Variants in GNRH1 observed in about 807,000 individuals in gnomAD.
GNRH1 encodes progonadoliberin-1.
GNRH1 carries 9 observed loss-of-function variants against 13.6 expected under a neutral mutation model. That is an observed-to-expected ratio of 0.66 (90% CI 0.40 to 1.15). The LOEUF is 1.15. Among genes scored for constraint, GNRH1 ranks in the 50% most tolerant of loss-of-function variants. GNRH1 has a pLI of 0.01. For synonymous variants in GNRH1, 44 were observed against 40.1 expected (o/e 1.10, Z -0.37); for missense variants, 116 against 110.8 (o/e 1.05, Z -0.21).
At position 25,421,634 on chromosome 8, in the gene GNRH1, T is replaced by TG; in HGVS notation, c.175dup (p.Gln59ProfsTer26). 6.2e-7 allele frequency: 1 copy of TG among 1,605,132 alleles called. No individual in the cohort carries two copies. The highest frequency in any genetic ancestry group is 1.1e-5 in the South Asian group (1 of 90,800). ...CTGGTGCGTGGTGCATTCGAAGCGT[T>TG]GGGTTTCTGCCAGTTGACCAACCTC... On this transcript the variant is annotated frameshift_variant, in exon 3 of 4. Transcript: ENST00000421054. LOFTEE classifies it high-confidence loss of function.
chr8:25,422,901 T>C (rs1801792749), intron 2 of GNRH1, among the ~76,000 whole-genome samples: 1 of 152,228 alleles, frequency 6.6e-6, no homozygotes, highest in Non-Finnish European at 1.5e-5. Flanking sequence ...ACCTTGACCC[T>C]ATCCCATTGT....
intron 2 of GNRH1, among the ~76,000 whole-genome samples, chr8:25,422,965 C>G (rs989144153): frequency 6.6e-6 from 1 of 152,162 alleles, no homozygotes; most frequent in African/African-American, 2.4e-5. Context: ...CTGTCTCACA[C>G]TTGTTGCTAT....
rs1005989398 is a variant in GNRH1 at position 25,423,043 on chromosome 8, G to A, written c.141+147C>T. 7 of 742,580 alleles carry A rather than the reference G, an allele frequency of 9.4e-6. No homozygotes were observed. The African/African-American group carries it at 1.2e-4, about 13-fold the overall frequency. 46.0% of individuals were successfully genotyped at this position (742,580 alleles called of 1,614,324 possible). ...CTGTGTGAACTGAAAGTAGGAATGG[G>A]ACTTCTACTTTGTAAGTGCCTTATC... On this transcript the variant is annotated intron_variant, in intron 2 of 3. Transcript: ENST00000421054.
intron 3 of GNRH1, among the ~76,000 whole-genome samples, chr8:25,420,776 C>T (rs2117366868): frequency 6.6e-6 from 1 of 152,238 alleles, no homozygotes; most frequent in East Asian, 1.9e-4. Flanking sequence ...ATAGTCCCAG[C>T]TACTAGAGAG....
intron 1 of GNRH1, chr8:25,423,569 C>A: frequency 3.7e-6 from 2 of 545,138 alleles, no homozygotes; most frequent in African/African-American, 3.8e-5. Context: ...CTTTTTAGTA[C>A]TAAAATAGTC....
chr8:25,423,466 A>G (rs1801802860), intron 1 of GNRH1, 135 bp from the exon 2 acceptor site: 1 of 758,944 alleles, frequency 1.3e-6, no homozygotes, highest in Non-Finnish European at 2.2e-6. Flanking sequence ...GTTTTTACAT[A>G]CAGACACTGA....
intron 2 of GNRH1, among the ~76,000 whole-genome samples, chr8:25,422,957 G>A (rs1479966679): frequency 6.6e-6 from 1 of 152,086 alleles, no homozygotes; most frequent in Admixed American, 6.5e-5. Flanking sequence ...ATGACGTGCT[G>A]TCTCACACTT....
Position 25,421,567 on chromosome 8 carries a change from A to C in GNRH1, c.237+6T>G, listed in dbSNP as rs1433240509. 1 of 1,473,774 alleles carries C rather than the reference A, an allele frequency of 6.8e-7. No individual in the cohort carries two copies. Among genetic ancestry groups the C allele is most frequent in the African/African-American group, 1.4e-5 (1 of 72,038 alleles). The allele number at this position is 1,473,774 out of a possible 1,614,324, so 91.3% of individuals were successfully genotyped here. A position where few individuals can be genotyped will look rare whatever the true frequency, so the allele number is the denominator to read the frequency against. On this transcript the variant is annotated splice_donor_region_variant and intron_variant, in intron 3 of 3. Coordinates refer to ENST00000421054, the MANE Select transcript of GNRH1 (RefSeq NM_001083111.2). ...CTGTGATCATGTTATGATCACTTTA[A>C]CTTACCAGAGCTCCTTTCAGGTCTC...
intron 1 of GNRH1, 98 bp from the exon 2 acceptor site, chr8:25,423,429 C>A (rs1801802658): frequency 2.9e-6 from 3 of 1,029,420 alleles, no homozygotes; most frequent in Non-Finnish European, 4.5e-6. Flanking sequence ...GTATCACTAA[C>A]CCTGCAGAAG....
At position 25,421,607 on chromosome 8, in the gene GNRH1, G is replaced by A. The variant is rs1172443183; in HGVS notation, c.203C>T (p.Pro68Leu). The change falls in exon 3 of 4, where the codon CCA becomes CTA. Residue 68 changes from proline (P) to leucine (L), a missense_variant. By Grantham distance (98) the Pro-to-Leu change is moderately conservative. Coordinates refer to ENST00000421054, the MANE Select transcript of GNRH1 (RefSeq NM_001083111.2). ...TQRFECTTHQ[P>L]RSPLRDLKGA... ...TTTCAGGTCTCGGAGGGGAGAACGT[G>A]GCTGGTGCGTGGTGCATTCGAAGCG... The A allele has an allele frequency of 6.2e-7, 1 of 1,604,332 alleles. No individual in the cohort carries two copies. The highest frequency in any genetic ancestry group is 1.7e-5 in the Admixed American group (1 of 59,960).
chr8:25,422,499 G>T (rs918896800), intron 2 of GNRH1, among the ~76,000 whole-genome samples: 1 of 152,184 alleles, frequency 6.6e-6, no homozygotes, highest in Non-Finnish European at 1.5e-5. Context: ...AGTGAGCTGT[G>T]ATCGTGCCAC....
intron 3 of GNRH1, among the ~76,000 whole-genome samples, chr8:25,420,891 T>G (rs959537606): frequency 6.6e-6 from 1 of 152,158 alleles, no homozygotes; most frequent in African/African-American, 2.4e-5. Context: ...AGATCCTGTC[T>G]CAACAAATAA....
chr8:25,419,874 G>T (rs1359565449), intron 3 of GNRH1, among the ~76,000 whole-genome samples: 1 of 151,906 alleles, frequency 6.6e-6, no homozygotes, highest in Non-Finnish European at 1.5e-5. Flanking sequence ...CACTTACCTC[G>T]GCTTCCCAAA....
intron 2 of GNRH1, among the ~76,000 whole-genome samples, chr8:25,422,248 C>T (rs980644808): frequency 3.9e-5 from 6 of 152,060 alleles, no homozygotes; most frequent in African/African-American, 1.4e-4. Flanking sequence ...GGCTTCTTTC[C>T]TTACATGACC....
chr8:25,421,727 C>T, intron 2 of GNRH1, 59 bp from the exon 3 acceptor site: 1 of 610,102 alleles, frequency 1.6e-6, no homozygotes, highest in South Asian at 1.5e-5. Flanking sequence ...TGGTGTTTTC[C>T]ATTTCCACCA....
At chr8:25,421,159 C>G (rs745958574) in intron 3 of GNRH1, among the ~76,000 whole-genome samples, 3 of 152,026 alleles carry the variant, frequency 2.0e-5, no homozygotes, top group Non-Finnish European at 4.4e-5. Context: ...TCTGGAAAAC[C>G]ATGTAAGATA....
At chr8:25,421,108 C>T (rs985463398) in intron 3 of GNRH1, among the ~76,000 whole-genome samples, 2 of 151,884 alleles carry the variant, frequency 1.3e-5, no homozygotes, top group African/African-American at 4.8e-5. Context: ...AAAAAAAAAC[C>T]CATCTACAGC....
chr8:25,420,211 T>G (rs1236471162), intron 3 of GNRH1, among the ~76,000 whole-genome samples: 1 of 151,514 alleles, frequency 6.6e-6, no homozygotes, highest in African/African-American at 2.4e-5. Context: ...GTTAAGGGAT[T>G]GAGACCATCC....
Position 25,421,592 on chromosome 8 carries a change from C to G in GNRH1, c.218G>C (p.Arg73Pro), listed in dbSNP as rs113242266. The G allele has an allele frequency of 1.3e-6, 2 of 1,593,478 alleles. No homozygotes were observed. Among genetic ancestry groups the G allele is most frequent in the Non-Finnish European group, 1.7e-6 (2 of 1,162,914 alleles). The change falls in exon 3 of 4, where the codon CGA becomes CCA. Residue 73 changes from arginine (R) to proline (P), a missense_variant. Arg to Pro is a moderately radical substitution (Grantham distance 103). Coordinates refer to ENST00000421054, the MANE Select transcript of GNRH1 (RefSeq NM_001083111.2). The stretch of plus-strand genomic sequence containing the variant: ...ACTTACCAGAGCTCCTTTCAGGTCT[C>G]GGAGGGGAGAACGTGGCTGGTGCGT... ...CTTHQPRSPL[R>P]DLKGALESLI...
Sources: allele counts gnomAD v4.1 joint callset (sites outside exome capture counted in the v4.1 genomes callset), GRCh38; gene constraint gnomAD v4.1.1; transcripts MANE v1.5; gene names NCBI Gene and HGNC (gene_info 2026-07-23, HGNC 2026-07-21).